HAS3: variants seen among roughly 807,000 people sequenced by gnomAD.
HAS3 encodes the protein hyaluronan synthase 3.
Under a neutral mutation model 50.3 loss-of-function variants are expected in HAS3, and 27 were observed. The observed-to-expected ratio is 0.54, with a 90% CI of 0.40 to 0.74. The LOEUF (loss-of-function observed/expected upper bound fraction) is 0.74, where lower values mean the gene tolerates loss of function less well. Among genes scored for constraint, HAS3 ranks in the 30% least tolerant of loss-of-function variants. The pLI, the probability that HAS3 is intolerant of heterozygous loss-of-function variation, is 0.00. For missense variants in HAS3, 517 were observed against 742.8 expected, an observed-to-expected ratio of 0.70 and a Z score of 3.53; for synonymous variants, 339 against 310.9, an observed-to-expected ratio of 1.09 and a Z score of -0.95.
At chr16:69,086,560 G>GTGTA in the HAS3 span, among the ~76,000 whole-genome samples, 1 of 151,104 alleles carries the variant, frequency 6.6e-6, no homozygotes, top group Admixed American at 6.6e-5. Flanking sequence ...GTGTGTGTGT[G>GTGTA]TGTATGAATG....
the HAS3 span, among the ~76,000 whole-genome samples, chr16:69,088,087 G>A: frequency 2.0e-5 from 3 of 152,094 alleles, no homozygotes; most frequent in Non-Finnish European, 4.4e-5. Context: ...GAGCCAGTGT[G>A]CCAGGGACTG....
In HAS3 at chr16:69,109,332, T is replaced by C. The variant is rs547007337; in HGVS notation, c.1-64T>C. The C allele has an allele frequency of 1.0e-5, 15 of 1,504,854 alleles. No individual in the cohort carries two copies. In the South Asian group the frequency reaches 1.0e-4, roughly 10 times the overall value. 93.2% of individuals were successfully genotyped at this position (1,504,854 alleles called of 1,614,324 possible). ...GTCCACTAGTAACAGAGAACACCCA[T>C]GCTCCCACGGACTGGAAATGCTGCC... is the stretch of plus-strand genomic sequence containing the variant. On this transcript the variant is annotated intron_variant, in intron 1 of 3. Coordinates refer to ENST00000569188, the MANE Select transcript of HAS3 (RefSeq NM_001199280.2). The surrounding 1 kb of genome is among the most constrained non-coding windows in gnomAD (Gnocchi z 5.3).
Position 69,115,809 on chromosome 16 carries a change from A to G in HAS3, c.*543A>G. The G allele has an allele frequency of 1.0e-6, 1 of 986,096 alleles. No homozygotes were observed. Among genetic ancestry groups the G allele is most frequent in the Non-Finnish European group, 1.2e-6 (1 of 830,178 alleles). The allele number at this position is 986,096 out of a possible 1,614,324, so 61.1% of individuals were successfully genotyped here. A position where few individuals can be genotyped will look rare whatever the true frequency, so the allele number is the denominator to read the frequency against. On this transcript the variant is annotated 3_prime_UTR_variant, in exon 4 of 4. Coordinates refer to ENST00000569188, the MANE Select transcript of HAS3 (RefSeq NM_001199280.2). The stretch of plus-strand genomic sequence containing the variant: ...CAGAAGCCTGATCTTTGGGCATCAG[A>G]AAACAGGGTCCAGGAATGGTGCTTT...
In HAS3 at chr16:69,115,280, C is replaced by A. The variant is rs1049386140; in HGVS notation, c.*14C>A. On this transcript the variant is annotated 3_prime_UTR_variant, in exon 4 of 4. Coordinates refer to ENST00000569188, the MANE Select transcript of HAS3 (RefSeq NM_001199280.2). ...GCTGAGGTGTGACATGGCCCCCAAGCAGAGCGGGTAAAGTGCAATGGGTAA... is the reference window on the plus strand; with the variant it reads ...GCTGAGGTGTGACATGGCCCCCAAGAAGAGCGGGTAAAGTGCAATGGGTAA... 1 of 1,510,908 alleles carries A rather than the reference C, an allele frequency of 6.6e-7. No homozygotes were observed. Among genetic ancestry groups the A allele is most frequent in the African/African-American group, 1.4e-5 (1 of 71,652 alleles). The allele number at this position is 1,510,908 out of a possible 1,614,324, so 93.6% of individuals were successfully genotyped here.
Position 69,117,370 on chromosome 16 carries a change from C to T in HAS3, c.*2104C>T. On this transcript the variant is annotated 3_prime_UTR_variant, in exon 4 of 4. Coordinates refer to ENST00000569188, the MANE Select transcript of HAS3 (RefSeq NM_001199280.2). Reference sequence around the variant, plus strand: ...CAGGCAGGTACAGGTAGTGGGCTCACAACGTTTGACCTCGACTGGTTTTTC... The same window carrying T: ...CAGGCAGGTACAGGTAGTGGGCTCATAACGTTTGACCTCGACTGGTTTTTC... The T allele has an allele frequency of 5.1e-6, 5 of 985,778 alleles. No homozygotes were observed. The highest frequency in any genetic ancestry group is 6.0e-6 in the Non-Finnish European group (5 of 829,852). The allele number at this position is 985,778 out of a possible 1,614,324, so 61.1% of individuals were successfully genotyped here. A position where few individuals can be genotyped will look rare whatever the true frequency, so the allele number is the denominator to read the frequency against.
chr16:69,097,575 T>C, the HAS3 span, among the ~76,000 whole-genome samples: 357 of 152,166 alleles, frequency 2.3e-3, 1 homozygote, highest in African/African-American at 8.2e-3. Context: ...ACTACATGTG[T>C]GTGGTGCAGA....
In HAS3 at chr16:69,116,261, T is replaced by A; in HGVS notation, c.*995T>A. 2.0e-6 allele frequency: 2 copies of A among 985,654 alleles called. No homozygotes were observed. The highest frequency in any genetic ancestry group is 2.4e-6 in the Non-Finnish European group (2 of 829,942). 61.1% of individuals were successfully genotyped at this position (985,654 alleles called of 1,614,324 possible). ...CCTCTTCTACCCTCATCATCATAGG[T>A]AAGGTTTTCAAGGTGGCAATTGGGG... On this transcript the variant is annotated 3_prime_UTR_variant, in exon 4 of 4. Coordinates refer to ENST00000569188, the MANE Select transcript of HAS3 (RefSeq NM_001199280.2).
Position 69,107,179 on chromosome 16 carries a change from CAGG to C in HAS3, c.-1+1395_-1+1397del, listed in dbSNP as rs759337938. ...CACAGCCCCCCGCCCCAGGTCTGGG[CAGG>C]AGAACCTCGACCACAGCCTGCACCA... On this transcript the variant is annotated intron_variant, in intron 1 of 3. Coordinates refer to ENST00000569188, the MANE Select transcript of HAS3 (RefSeq NM_001199280.2). The surrounding 1 kb of genome is among the most constrained non-coding windows in gnomAD (Gnocchi z 5.5). The C allele has an allele frequency of 1.9e-5, 5 of 268,008 alleles. No homozygotes were observed. Among genetic ancestry groups the C allele is most frequent in the Non-Finnish European group, 2.3e-5 (4 of 174,270 alleles). 16.6% of individuals were successfully genotyped at this position (268,008 alleles called of 1,614,324 possible).
chr16:69,098,300 G>A, the HAS3 span, among the ~76,000 whole-genome samples: 1 of 152,222 alleles, frequency 6.6e-6, no homozygotes, highest in East Asian at 1.9e-4. Context: ...GAACCCGGGA[G>A]GCAGAGTTTG....
At position 69,117,139 on chromosome 16, in the gene HAS3, A is replaced by G; in HGVS notation, c.*1873A>G. ...TTTGCTAAGGCAGCTGATCCAGGCA[A>G]TCGTTCTGCTGGCCAAGAAGTTAAA... On this transcript the variant is annotated 3_prime_UTR_variant, in exon 4 of 4. Transcript: ENST00000569188. 1.0e-6 allele frequency: 1 copy of G among 985,864 alleles called. No homozygotes were observed. Among genetic ancestry groups the G allele is most frequent in the Non-Finnish European group, 1.2e-6 (1 of 829,942 alleles). The allele number at this position is 985,864 out of a possible 1,614,324, so 61.1% of individuals were successfully genotyped here. A position where few individuals can be genotyped will look rare whatever the true frequency, so the allele number is the denominator to read the frequency against.
chr16:69,099,889 T>C, the HAS3 span, among the ~76,000 whole-genome samples: 507 of 152,008 alleles, frequency 3.3e-3, 7 homozygotes, highest in African/African-American at 0.011. Context: ...GCTTTTTCTG[T>C]TTAGGATTCT....
downstream of HAS3, chr16:69,118,126 C>A: frequency 2.5e-6 from 1 of 406,594 alleles, no homozygotes; most frequent in Non-Finnish European, 4.4e-6. Context: ...CTTCATCCCC[C>A]ACCCCCACCC....
chr16:69,100,707 CAG>C (rs766256250), upstream of HAS3, among the ~76,000 whole-genome samples: 4 of 152,150 alleles, frequency 2.6e-5, no homozygotes, highest in Non-Finnish European at 5.9e-5. Flanking sequence ...CTGGTGATGA[CAG>C]AGAGGTTACG....
chr16:69,083,534 T>A, the HAS3 span: 2 of 1,612,520 alleles, frequency 1.2e-6, no homozygotes, highest in Non-Finnish European at 8.5e-7. Flanking sequence ...AAGCACGTAG[T>A]GTGTCTGGAG....
intron 1 of HAS3, among the ~76,000 whole-genome samples, chr16:69,108,785 T>A (rs1372924393): frequency 6.6e-6 from 1 of 152,246 alleles, no homozygotes; most frequent in Non-Finnish European, 1.5e-5. Flanking sequence ...GTTTCTCTAA[T>A]AACTGTCTTG....
At position 69,114,902 on chromosome 16, in the gene HAS3, A is replaced by G; in HGVS notation, c.1298A>G (p.Asn433Ser). 1 of 1,614,096 alleles carries G rather than the reference A, an allele frequency of 6.2e-7. No homozygotes were observed. Among genetic ancestry groups the G allele is most frequent in the Non-Finnish European group, 8.5e-7 (1 of 1,180,020 alleles). ...KATYACFLRG[N>S]AEMIFMSLYS... is the part of the protein sequence containing the mutation. Reference sequence around the variant, plus strand: ...ACCTACGCCTGCTTCCTTCGGGGCAATGCAGAGATGATCTTCATGTCCCTC... The same window carrying G: ...ACCTACGCCTGCTTCCTTCGGGGCAGTGCAGAGATGATCTTCATGTCCCTC... The change falls in exon 4 of 4, where the codon AAT becomes AGT. Residue 433 changes from asparagine (N) to serine (S), a missense_variant. Coordinates refer to ENST00000569188, the MANE Select transcript of HAS3 (RefSeq NM_001199280.2). The surrounding 1 kb of genome is among the most constrained non-coding windows in gnomAD (Gnocchi z 6.4).
Position 69,116,168 on chromosome 16 carries a change from T to G in HAS3, c.*902T>G. 2 of 985,398 alleles carry G rather than the reference T, an allele frequency of 2.0e-6. No individual in the cohort carries two copies. Among genetic ancestry groups the G allele is most frequent in the African/African-American group, 1.7e-5 (1 of 57,378 alleles). 61.0% of individuals were successfully genotyped at this position (985,398 alleles called of 1,614,324 possible). On this transcript the variant is annotated 3_prime_UTR_variant, in exon 4 of 4. Transcript: ENST00000569188. ...ATTCCTCTCAAATTCAGCTCTGATC[T>G]GAGGCTAAGACACACTCCCCACTTC...
the HAS3 span, among the ~76,000 whole-genome samples, chr16:69,098,466 C>G: frequency 6.6e-6 from 1 of 151,734 alleles, no homozygotes; most frequent in South Asian, 2.1e-4. Context: ...TGGTCTCAAA[C>G]TCCTGGACTC....
In HAS3 at chr16:69,116,600, T is replaced by G; in HGVS notation, c.*1334T>G. Reference sequence around the variant, plus strand: ...GTGACAGTCACTGCATTTGCCTGCTTCTTTCCAGAAACCAAACTAGGAGAT... The same window carrying G: ...GTGACAGTCACTGCATTTGCCTGCTGCTTTCCAGAAACCAAACTAGGAGAT... On this transcript the variant is annotated 3_prime_UTR_variant, in exon 4 of 4. Transcript: ENST00000569188. The G allele has an allele frequency of 1.0e-6, 1 of 985,424 alleles. No homozygotes were observed. Among genetic ancestry groups the G allele is most frequent in the African/African-American group, 1.7e-5 (1 of 57,154 alleles). 61.0% of individuals were successfully genotyped at this position (985,424 alleles called of 1,614,324 possible).
Sources: allele counts gnomAD v4.1 joint callset (sites outside exome capture counted in the v4.1 genomes callset), GRCh38; gene constraint gnomAD v4.1.1; non-coding constraint Gnocchi (gnomAD v3.1); transcripts MANE v1.5; gene names NCBI Gene and HGNC (gene_info 2026-07-23, HGNC 2026-07-21).